PFKP: variants seen among roughly 807,000 people sequenced by gnomAD.
PFKP encodes the protein phosphofructokinase, platelet.
Under a neutral mutation model 94.3 loss-of-function variants are expected in PFKP, and 101 were observed. The observed-to-expected ratio is 1.07, with a 90% CI of 0.91 to 1.26. The LOEUF (loss-of-function observed/expected upper bound fraction) is 1.26. Ranked by LOEUF, PFKP falls within the 50% of genes most tolerant of loss-of-function variation. The pLI is 0.00. For synonymous variants in PFKP, 573 were observed against 432.6 expected (o/e 1.32, Z -4.03); for missense variants, 1,145 against 1,103.3 (o/e 1.04, Z -0.53).
intron 2 of PFKP, among the ~76,000 whole-genome samples, chr10:3,095,238 A>G (rs1564289515): frequency 6.6e-6 from 1 of 152,092 alleles, no homozygotes. Flanking sequence ...AAAGCCACCC[A>G]TAGGTGAACT....
At chr10:3,098,672 C>CAAAAAAAAAAAAAAAAA (rs5782682) in intron 2 of PFKP, among the ~76,000 whole-genome samples, 1 of 107,184 alleles carries the variant, frequency 9.3e-6, no homozygotes, top group African/African-American at 3.7e-5. Context: ...GACTCCGTCT[C>CAAAAAAAAAAAAAAAAA]AAAAAAAAAA....
At chr10:3,127,849 G>C (rs541534305) in intron 16 of PFKP, among the ~76,000 whole-genome samples, 1 of 152,222 alleles carries the variant, frequency 6.6e-6, no homozygotes, top group Non-Finnish European at 1.5e-5. Flanking sequence ...GGGAAGAAAA[G>C]AATCTGCCAA....
chr10:3,128,632 C>T (rs989865815), intron 16 of PFKP, among the ~76,000 whole-genome samples: 1 of 152,276 alleles, frequency 6.6e-6, no homozygotes. Flanking sequence ...GCCTTGTTCC[C>T]TGGCGCCTCC....
At chr10:3,092,396 G>A (rs1167932375) in intron 2 of PFKP, among the ~76,000 whole-genome samples, 1 of 152,008 alleles carries the variant, frequency 6.6e-6, no homozygotes, top group Non-Finnish European at 1.5e-5. Context: ...TGGACAGGAG[G>A]GGATGCAGAG....
intron 18 of PFKP, 111 bp downstream of exon 18, chr10:3,132,552 G>A (rs1644605647): frequency 1.2e-5 from 9 of 757,598 alleles, no homozygotes; most frequent in African/African-American, 1.7e-5. Context: ...CCGCTAGAGT[G>A]CACTACACAC....
chr10:3,109,447 C>T lies in PFKP; in HGVS notation c.1056C>T (p.Ala352=), dbSNP rs773809327. 8.0e-5 allele frequency: 128 copies of T among 1,606,718 alleles called. 1 individual carries two copies. Among genetic ancestry groups the T allele is most frequent in the Non-Finnish European group, 9.7e-5 (114 of 1,179,828 alleles). The change falls in exon 10 of 22, where the codon GCC becomes GCT. Residue 352 remains alanine (A), a synonymous_variant. Transcript: ENST00000381125. ...TCGTGTCACTGAACGGGAACCACGC[C>T]GTGCGCCTGCCGCTGATGGAGTGCG... The part of the protein sequence containing the change: ...ACVVSLNGNH[A]VRLPLMECVQ...
chr10:3,079,672 G>GGGGGGGGGGA (rs1832890430), intron 1 of PFKP, among the ~76,000 whole-genome samples: 3 of 111,582 alleles, frequency 2.7e-5, no homozygotes, highest in Non-Finnish European at 4.2e-5. Context: ...TGGGGGGGGG[G>GGGGGGGGGGA]GGAAGAGGAG....
At chr10:3,120,175 T>C (rs1588530553) in intron 16 of PFKP, 131 bp downstream of exon 16, 2 of 752,106 alleles carry the variant, frequency 2.7e-6, no homozygotes, top group Non-Finnish European at 4.3e-6. Context: ...TCGTTCTTTT[T>C]TTCCCCCAGA....
At chr10:3,130,672 G>A (rs1190758661) in intron 17 of PFKP, among the ~76,000 whole-genome samples, 1 of 152,140 alleles carries the variant, frequency 6.6e-6, no homozygotes, top group Non-Finnish European at 1.5e-5. Flanking sequence ...CGATTCACCT[G>A]CCTTAGCCTC....
At chr10:3,092,321 C>T (rs1357141516) in intron 2 of PFKP, among the ~76,000 whole-genome samples, 1 of 152,124 alleles carries the variant, frequency 6.6e-6, no homozygotes, top group African/African-American at 2.4e-5. Context: ...TCATGCTTCC[C>T]TTCTTTAGTT....
Position 3,134,541 on chromosome 10 carries a change from T to A in PFKP, c.2081T>A (p.Met694Lys). 2 of 1,614,094 alleles carry A rather than the reference T, an allele frequency of 1.2e-6. No individual in the cohort carries two copies. Among genetic ancestry groups the A allele is most frequent in the South Asian group, 2.2e-5 (2 of 91,076 alleles). ...NFGTKISARA[M>K]EWITAKLKEA... ...GGAACCAAAATCTCTGCCAGAGCTA[T>A]GGAGTGGATCACTGCAAAACTCAAG... Residue 694 changes from methionine (M) to lysine (K), a missense_variant, in exon 20 of 22, where the codon ATG (methionine) becomes AAG (lysine). Met to Lys is a moderately conservative substitution (Grantham distance 95). Coordinates refer to ENST00000381125, the MANE Select transcript of PFKP (RefSeq NM_002627.5).
intron 2 of PFKP, among the ~76,000 whole-genome samples, chr10:3,089,450 G>A (rs185136076): frequency 1.3e-5 from 2 of 152,136 alleles, no homozygotes; most frequent in Non-Finnish European, 2.9e-5. Flanking sequence ...TCCCTTTCTC[G>A]GGGTATATGC....
chr10:3,113,626 G>T (rs1005528740), intron 13 of PFKP, 108 bp downstream of exon 13: 96 of 680,124 alleles, frequency 1.4e-4, no homozygotes, highest in Non-Finnish European at 2.1e-4. Flanking sequence ...TCATGCCTCA[G>T]TCCGGGATCC....
chr10:3,102,067 C>A (rs980578474), intron 4 of PFKP, among the ~76,000 whole-genome samples: 1 of 150,166 alleles, frequency 6.7e-6, no homozygotes, highest in African/African-American at 2.4e-5. Flanking sequence ...CCGGCTAAAA[C>A]GGTGAAACCC....
chr10:3,104,565 T>C (rs761909141), intron 5 of PFKP, among the ~76,000 whole-genome samples: 1 of 152,228 alleles, frequency 6.6e-6, no homozygotes, highest in Non-Finnish European at 1.5e-5. Context: ...CTGTTCCCAG[T>C]GACGCCTCAC....
rs755788554 is a variant in PFKP at position 3,103,837 on chromosome 10, G to A, written c.513G>A (p.Val171=). ...KYAYLNVVGM[V]GSIDNDFCGT... is the part of the protein sequence containing the mutation. ...CCTACCTCAACGTGGTGGGCATGGT[G>A]GGCTCCATCGACAATGATTTCTGCG... The change falls in exon 5 of 22, where the codon GTG becomes GTA. Residue 171 remains valine, a synonymous_variant. Coordinates refer to ENST00000381125, the MANE Select transcript of PFKP (RefSeq NM_002627.5). The A allele has an allele frequency of 1.2e-5, 19 of 1,613,910 alleles. No homozygotes were observed. The African/African-American group carries it at 1.6e-4, about 14-fold the overall frequency.
chr10:3,103,832 ATGG>A lies in PFKP; in HGVS notation c.512_514del (p.Val171del). On this transcript the variant is annotated inframe_deletion, in exon 5 of 22. Coordinates refer to ENST00000381125, the MANE Select transcript of PFKP (RefSeq NM_002627.5). Reference sequence around the variant, plus strand: ...GTACGCCTACCTCAACGTGGTGGGCATGGTGGGCTCCATCGACAATGATTTCTG... The same window carrying A: ...GTACGCCTACCTCAACGTGGTGGGCATGGGCTCCATCGACAATGATTTCTG... 6.2e-7 allele frequency: 1 copy of A among 1,614,008 alleles called. No homozygotes were observed.
At chr10:3,116,754 T>G in intron 13 of PFKP, 22 bp from the exon 14 acceptor site, 1 of 1,599,702 alleles carries the variant, frequency 6.3e-7, no homozygotes, top group South Asian at 1.1e-5. Context: ...TTTAGCTGTT[T>G]CGTTCTGTGT....
At chr10:3,134,430 C>A in intron 19 of PFKP, 53 bp from the exon 20 acceptor site, 4 of 995,536 alleles carry the variant, frequency 4.0e-6, no homozygotes, top group Non-Finnish European at 6.2e-6. Flanking sequence ...TTCTATTTAA[C>A]AGCAAAGTGT....
Sources: allele counts gnomAD v4.1 joint callset (sites outside exome capture counted in the v4.1 genomes callset), GRCh38; gene constraint gnomAD v4.1.1; transcripts MANE v1.5; gene names NCBI Gene and HGNC (gene_info 2026-07-23, HGNC 2026-07-21).